Variants in ADGRG2 observed in about 807,000 individuals in gnomAD.
ADGRG2 encodes adhesion G protein-coupled receptor G2.
ADGRG2 carries 26 observed loss-of-function variants against 74.1 expected under a neutral mutation model. The ratio of observed to expected loss-of-function variants is 0.35; its 90% CI spans 0.26 to 0.49. ADGRG2 has a LOEUF of 0.49. Among genes scored for constraint, ADGRG2 ranks in the 20% least tolerant of loss-of-function variants. The pLI is 0.99. For missense variants in ADGRG2, 619 were observed against 763.1 expected, an observed-to-expected ratio of 0.81 and a Z score of 2.22; for synonymous variants, 296 against 295.2, an observed-to-expected ratio of 1.00 and a Z score of -0.03.
intron 9 of ADGRG2, among the ~76,000 whole-genome samples, chrX:19,029,832 G>C (rs887723943): frequency 1.8e-5 from 2 of 110,710 alleles, no homozygotes; most frequent in African/African-American, 6.6e-5. Context: ...TTCGGTGAAC[G>C]GAAGAGTCAG....
intron 1 of ADGRG2, among the ~76,000 whole-genome samples, chrX:19,109,196 C>T (rs935984668): frequency 9.0e-6 from 1 of 111,399 alleles, no homozygotes; most frequent in African/African-American, 3.3e-5. Flanking sequence ...TGAGTAATGG[C>T]GCCCAGCTCT....
chrX:19,016,817 C>T (rs965667662), intron 15 of ADGRG2, among the ~76,000 whole-genome samples: 1 of 107,169 alleles, frequency 9.3e-6, no homozygotes, highest in African/African-American at 3.4e-5. Context: ...CCTCCACTCC[C>T]CAGGCTCAAG....
intron 1 of ADGRG2, among the ~76,000 whole-genome samples, chrX:19,110,098 A>C: frequency 8.9e-6 from 1 of 111,886 alleles, no homozygotes; most frequent in East Asian, 2.8e-4. Flanking sequence ...TCATTTATTC[A>C]TCAAATATTT....
chrX:19,049,887 A>G (rs73445668), intron 3 of ADGRG2, among the ~76,000 whole-genome samples: 2 of 112,052 alleles, frequency 1.8e-5, no homozygotes, highest in South Asian at 3.7e-4. Context: ...TGTATGGGTT[A>G]GCAAGAGTCG....
At chrX:19,008,954 G>A (rs1440736523) in intron 18 of ADGRG2, among the ~76,000 whole-genome samples, 4 of 111,542 alleles carry the variant, frequency 3.6e-5, no homozygotes, top group Non-Finnish European at 7.5e-5. Flanking sequence ...GAAAACACTA[G>A]AAACAGGAAT....
chrX:19,117,855 C>CTAA lies in ADGRG2; in HGVS notation c.-47+4584_-47+4586dup, dbSNP rs1266236288. On this transcript the variant is annotated intron_variant, in intron 1 of 28. Transcript: ENST00000379869. ...TAAAATGAATTGACTTAATGCTACA[C>CTAA]TAACTTCTCCTCCAGTGAGATCAAA... Among the ~76,000 whole-genome samples, 3 of 110,054 alleles carry CTAA rather than the reference C, an allele frequency of 2.7e-5. No individual in the cohort carries two copies. In the Admixed American group the frequency reaches 2.9e-4, roughly 11 times the overall value.
At chrX:19,094,742 T>C (rs2062067879) in intron 1 of ADGRG2, among the ~76,000 whole-genome samples, 1 of 112,608 alleles carries the variant, frequency 8.9e-6, no homozygotes. Context: ...TTCCAGTGAC[T>C]CTGCCCGGTT....
intron 24 of ADGRG2, 82 bp downstream of exon 24, chrX:19,002,764 T>C: frequency 1.1e-6 from 1 of 946,740 alleles, no homozygotes. Context: ...ATCTGCTTCA[T>C]CGTTTCCACC....
intron 28 of ADGRG2, among the ~76,000 whole-genome samples, chrX:18,993,888 C>T (rs760363414): frequency 9.0e-6 from 1 of 111,002 alleles, no homozygotes; most frequent in East Asian, 2.8e-4. Flanking sequence ...TATAAGAATG[C>T]AAAAGATATA....
At chrX:19,075,813 A>T (rs1161213086) in intron 2 of ADGRG2, among the ~76,000 whole-genome samples, 1 of 110,862 alleles carries the variant, frequency 9.0e-6, no homozygotes, top group Non-Finnish European at 1.9e-5. Flanking sequence ...TGAGGGCAAG[A>T]TGAAGATATT....
chrX:19,105,308 CA>C, intron 1 of ADGRG2, among the ~76,000 whole-genome samples: 1 of 112,011 alleles, frequency 8.9e-6, no homozygotes. Flanking sequence ...AAATTATACA[CA>C]AGGCCATCAG....
At chrX:19,068,010 G>C (rs1179412823) in intron 3 of ADGRG2, among the ~76,000 whole-genome samples, 1 of 112,406 alleles carries the variant, frequency 8.9e-6, no homozygotes, top group African/African-American at 3.2e-5. Context: ...TGGAATTCTT[G>C]TGCCTTGCTT....
At chrX:19,117,519 T>G (rs1186468728) in intron 1 of ADGRG2, among the ~76,000 whole-genome samples, 2 of 110,102 alleles carry the variant, frequency 1.8e-5, no homozygotes, top group African/African-American at 3.3e-5. Flanking sequence ...TTCTTCATCA[T>G]CTAAATAAAA....
Position 19,010,720 on chromosome X carries a change from C to T in ADGRG2, c.1158G>A (p.Lys386=), listed in dbSNP as rs2060339106. 1 of 1,204,515 alleles carries T rather than the reference C, an allele frequency of 8.3e-7. No homozygotes were observed. Among genetic ancestry groups the T allele is most frequent in the Non-Finnish European group, 1.1e-6 (1 of 889,798 alleles). Residue 386 remains lysine, a synonymous_variant, in exon 17 of 29, where the codon AAG becomes AAA. Coordinates refer to ENST00000379869, the MANE Select transcript of ADGRG2 (RefSeq NM_001079858.3). ...DLENQVLQME[K]ALSLGSLEPN... is the part of the protein sequence containing the mutation. Reference sequence around the variant, plus strand: ...GCTCCAGGCTGCCCAAGGACAGAGCCTTCTCCATCTGCAACACTTGGTTCT... The same window carrying T: ...GCTCCAGGCTGCCCAAGGACAGAGCTTTCTCCATCTGCAACACTTGGTTCT...
chrX:18,998,812 A>G (rs1038509090), intron 26 of ADGRG2, among the ~76,000 whole-genome samples, 184 bp downstream of exon 26: 2 of 111,389 alleles, frequency 1.8e-5, no homozygotes, highest in African/African-American at 6.5e-5. Context: ...TAGTGTAAAC[A>G]CAACTTTTAT....
intron 3 of ADGRG2, among the ~76,000 whole-genome samples, chrX:19,048,840 C>T (rs1198372257): frequency 8.9e-6 from 1 of 112,302 alleles, no homozygotes; most frequent in East Asian, 2.8e-4. Context: ...AGGCTGGTAG[C>T]TTCTAGAGCT....
At chrX:19,001,978 C>T (rs1442287980) in intron 24 of ADGRG2, among the ~76,000 whole-genome samples, 2 of 110,863 alleles carry the variant, frequency 1.8e-5, no homozygotes, top group Non-Finnish European at 3.8e-5. Context: ...GGGGATTATA[C>T]ACACTGTTAT....
intron 2 of ADGRG2, among the ~76,000 whole-genome samples, chrX:19,070,680 C>T (rs973308768): frequency 1.8e-5 from 2 of 112,226 alleles, no homozygotes; most frequent in African/African-American, 6.5e-5. Flanking sequence ...GCTAGCAGAG[C>T]TCTCGGCCAA....
At chrX:19,118,357 T>TG (rs2062559757) in intron 1 of ADGRG2, among the ~76,000 whole-genome samples, 1 of 111,851 alleles carries the variant, frequency 8.9e-6, no homozygotes, top group South Asian at 3.7e-4. Flanking sequence ...GAAAATGAAG[T>TG]GGGAAAAAAG....
Sources: allele counts gnomAD v4.1 joint callset (sites outside exome capture counted in the v4.1 genomes callset), GRCh38; gene constraint gnomAD v4.1.1; transcripts MANE v1.5; gene names NCBI Gene and HGNC (gene_info 2026-07-23, HGNC 2026-07-21).